EYS: variants seen among roughly 807,000 people sequenced by gnomAD.
EYS encodes the protein protein eyes shut homolog.
EYS carries 250 observed loss-of-function variants against 282.1 expected under a neutral mutation model. That is an observed-to-expected ratio of 0.89 (90% CI 0.80 to 0.98). The LOEUF is 0.98. Ranked by LOEUF, EYS falls within the 50% of genes least tolerant of loss-of-function variation. The pLI is 0.00. For synonymous variants in EYS, 1,355 were observed against 1,282.9 expected (o/e 1.06, Z -1.20); for missense variants, 4,016 against 3,709.0 (o/e 1.08, Z -2.15).
chr6:64,833,188 G>A (rs1461405264), intron 19 of EYS, among the ~76,000 whole-genome samples: 1 of 151,728 alleles, frequency 6.6e-6, no homozygotes, highest in Non-Finnish European at 1.5e-5. Context: ...ATCTTTACAT[G>A]GTAAAGTATT....
intron 11 of EYS, chr6:65,330,809 A>G (rs1247895816): frequency 1.0e-6 from 1 of 955,494 alleles, no homozygotes; most frequent in Non-Finnish European, 1.2e-6. Context: ...ATTTTACCTT[A>G]AACTTTTAGA....
intron 2 of EYS, among the ~76,000 whole-genome samples, chr6:65,511,366 T>TGTGTGTGA (rs1483362971): frequency 8.9e-5 from 13 of 145,898 alleles, no homozygotes; most frequent in African/African-American, 3.3e-4. Context: ...TGTGTGTGTG[T>TGTGTGTGA]GAGAGAGAGA....
chr6:64,463,856 A>C (rs1775835294), intron 26 of EYS, among the ~76,000 whole-genome samples: 1 of 152,182 alleles, frequency 6.6e-6, no homozygotes, highest in Admixed American at 6.5e-5. Flanking sequence ...TTCTACCAAA[A>C]AATTAATGAA....
At chr6:65,239,236 G>A (rs1054474926) in intron 12 of EYS, among the ~76,000 whole-genome samples, 9 of 151,986 alleles carry the variant, frequency 5.9e-5, no homozygotes, top group Non-Finnish European at 7.4e-5. Context: ...AAATGAGAGC[G>A]TAAAAATAAC....
intron 1 of EYS, among the ~76,000 whole-genome samples, chr6:65,696,640 T>C (rs1249213006): frequency 2.0e-5 from 3 of 152,068 alleles, no homozygotes; most frequent in Non-Finnish European, 4.4e-5. Context: ...TATATAACAA[T>C]ACATAAAAGT....
intron 33 of EYS, among the ~76,000 whole-genome samples, chr6:64,040,757 C>T (rs1770351999): frequency 6.6e-6 from 1 of 152,182 alleles, no homozygotes; most frequent in Admixed American, 6.5e-5. Context: ...AGTAGTTCAA[C>T]ATAGATTGTA....
At chr6:65,056,515 A>G (rs1204758063) in intron 13 of EYS, among the ~76,000 whole-genome samples, 1 of 152,038 alleles carries the variant, frequency 6.6e-6, no homozygotes, top group Non-Finnish European at 1.5e-5. Context: ...ACTTAAGCCC[A>G]GGAGGCAGAG....
chr6:63,865,590 T>C (rs553022928), intron 35 of EYS, among the ~76,000 whole-genome samples: 6 of 152,236 alleles, frequency 3.9e-5, no homozygotes, highest in African/African-American at 1.4e-4. Context: ...TCAGCCCTGA[T>C]AATTGGGAAA....
intron 31 of EYS, among the ~76,000 whole-genome samples, chr6:64,156,420 C>T (rs929070190): frequency 3.3e-5 from 5 of 151,944 alleles, no homozygotes; most frequent in African/African-American, 7.3e-5. Context: ...TCTTTATCAG[C>T]AATGTGAAAA....
intron 35 of EYS, among the ~76,000 whole-genome samples, chr6:63,880,829 A>G (rs959917824): frequency 6.6e-5 from 10 of 152,190 alleles, no homozygotes; most frequent in Non-Finnish European, 4.4e-5. Context: ...GCACTGGAAA[A>G]GACTAAATCT....
chr6:63,839,863 C>G (rs1186396375), intron 36 of EYS, among the ~76,000 whole-genome samples: 1 of 152,232 alleles, frequency 6.6e-6, no homozygotes, highest in East Asian at 1.9e-4. Flanking sequence ...TACATCCTCG[C>G]CAGCATTTGT....
At chr6:65,500,680 A>G (rs1733471405) in intron 2 of EYS, among the ~76,000 whole-genome samples, 2 of 152,070 alleles carry the variant, frequency 1.3e-5, no homozygotes, top group Non-Finnish European at 2.9e-5. Context: ...CCACTCTACA[A>G]GTGCCTTCAC....
chr6:65,621,356 G>C (rs12183234), intron 2 of EYS, among the ~76,000 whole-genome samples: 1 of 151,450 alleles, frequency 6.6e-6, no homozygotes, highest in African/African-American at 2.4e-5. Context: ...GTCTGTTTTA[G>C]CAGAGACTAG....
chr6:65,626,073 G>A (rs766199), intron 2 of EYS, among the ~76,000 whole-genome samples: 54,080 of 152,024 alleles, frequency 0.36, 12,006 homozygotes, highest in Non-Finnish European at 0.49. Context: ...ACTGAAGCCT[G>A]TGTAGTGATG....
At chr6:65,508,329 G>A (rs561543822) in intron 2 of EYS, among the ~76,000 whole-genome samples, 1 of 152,098 alleles carries the variant, frequency 6.6e-6, no homozygotes, top group South Asian at 2.1e-4. Flanking sequence ...TGATCCTCCA[G>A]TTAAATCTCA....
chr6:65,095,849 G>A (rs1161643615), intron 12 of EYS, among the ~76,000 whole-genome samples: 1 of 150,592 alleles, frequency 6.6e-6, no homozygotes, highest in South Asian at 2.1e-4. Context: ...TAATATTCAA[G>A]GGCAAAAAAC....
intron 39 of EYS, among the ~76,000 whole-genome samples, chr6:63,780,714 T>C (rs562689504): frequency 2.0e-5 from 3 of 152,222 alleles, no homozygotes; most frequent in Non-Finnish European, 4.4e-5. Flanking sequence ...TTCACTCTGA[T>C]GGTAGTTTCT....
rs1212100355 is a variant in EYS, at chr6:65,604,457, G to A, written c.-333+35321C>T. The stretch of plus-strand genomic sequence containing the variant: ...TGGAAACACATTAAAGAGTTCAAAA[G>A]AGAAAAGGGAAAAGTAAAGCCATGA... On this transcript the variant is annotated intron_variant, in intron 2 of 42. Coordinates refer to ENST00000503581, the MANE Select transcript of EYS (RefSeq NM_001142800.2). 3.3e-5 allele frequency among the ~76,000 whole-genome samples: 5 copies of A among 151,864 alleles called. No individual in the cohort carries two copies. The Admixed American group carries it at 3.3e-4, about 10-fold the overall frequency.
intron 26 of EYS, among the ~76,000 whole-genome samples, chr6:64,532,462 C>A (rs1235839808): frequency 6.6e-6 from 1 of 152,132 alleles, no homozygotes; most frequent in Admixed American, 6.5e-5. Flanking sequence ...GTAATCCCAG[C>A]ACTTTGGGAG....
Sources: allele counts gnomAD v4.1 joint callset (sites outside exome capture counted in the v4.1 genomes callset), GRCh38; gene constraint gnomAD v4.1.1; transcripts MANE v1.5; gene names NCBI Gene and HGNC (gene_info 2026-07-23, HGNC 2026-07-21).